Variants in MYO19 observed in about 807,000 individuals in gnomAD.
MYO19 encodes the protein unconventional myosin-XIX.
Under a neutral mutation model 129.2 loss-of-function variants are expected in MYO19, and 132 were observed. The ratio of observed to expected loss-of-function variants is 1.02; its 90% CI spans 0.89 to 1.18. MYO19 has a LOEUF of 1.18. Ranked by LOEUF, MYO19 falls within the 50% of genes most tolerant of loss-of-function variation. The pLI is 0.00. For synonymous variants in MYO19, 531 were observed against 477.2 expected (o/e 1.11, Z -1.47); for missense variants, 1,210 against 1,216.7 (o/e 0.99, Z 0.08).
chr17:36,514,891 A>G (rs1392727197), intron 8 of MYO19, among the ~76,000 whole-genome samples: 4 of 152,202 alleles, frequency 2.6e-5, no homozygotes, highest in East Asian at 1.9e-4. Flanking sequence ...GGAGGAACCC[A>G]GGCCTGAATA....
At chr17:36,506,672 G>A (rs2071914431) in intron 17 of MYO19, 64 bp from the exon 18 acceptor site, 2 of 1,483,390 alleles carry the variant, frequency 1.3e-6, no homozygotes, top group Non-Finnish European at 1.8e-6. Flanking sequence ...GCCATCCACT[G>A]CCCACCCAAG....
chr17:36,518,128 C>T (rs2072881398), intron 6 of MYO19, among the ~76,000 whole-genome samples: 2 of 150,206 alleles, frequency 1.3e-5, no homozygotes. Flanking sequence ...GTTGTGCTTT[C>T]ATTTTAATTT....
chr17:36,543,011 C>T (rs1478547475), intron 1 of MYO19: 1 of 151,990 alleles, frequency 6.6e-6, no homozygotes, highest in East Asian at 2.0e-4. Context: ...CCGCCGCCCC[C>T]GTCCTGGTTT....
chr17:36,499,671 T>C (rs111797655), intron 23 of MYO19: 146 of 106,304 alleles, frequency 1.4e-3, no homozygotes, highest in African/African-American at 4.2e-3. Flanking sequence ...TTTCTTTTTT[T>C]TTTTTTTTTT....
At position 36,525,167 on chromosome 17, in the gene MYO19, C is replaced by T; in HGVS notation, c.414+61G>A. 4 of 1,259,858 alleles carry T rather than the reference C, an allele frequency of 3.2e-6. 1 individual carries two copies. Among genetic ancestry groups the T allele is most frequent in the Non-Finnish European group, 4.6e-6 (4 of 862,386 alleles). The allele number at this position is 1,259,858 out of a possible 1,614,324, so 78.0% of individuals were successfully genotyped here. A position where few individuals can be genotyped will look rare whatever the true frequency, so the allele number is the denominator to read the frequency against. On this transcript the variant is annotated intron_variant, in intron 6 of 25. Coordinates refer to ENST00000614623, the MANE Select transcript of MYO19 (RefSeq NM_001163735.2). ...CCACAAGGAAGGCCAAGGAATGACC[C>T]CTGCCTCCCTGTCCACCCAGCCAGT...
chr17:36,534,560 T>C (rs2074019380), intron 1 of MYO19: 1 of 152,086 alleles, frequency 6.6e-6, no homozygotes, highest in South Asian at 2.1e-4. Flanking sequence ...GAAAGACTTG[T>C]TTCAAGCAAG....
upstream of MYO19, chr17:36,537,476 C>T (rs757276440): frequency 3.1e-6 from 5 of 1,614,132 alleles, no homozygotes; most frequent in Non-Finnish European, 4.2e-6. Flanking sequence ...AATCAGAATA[C>T]AATCCAGCCA....
At chr17:36,511,339 GC>G in intron 12 of MYO19, 25 bp downstream of exon 12, 1 of 1,558,600 alleles carries the variant, frequency 6.4e-7, no homozygotes, top group South Asian at 1.2e-5. Context: ...GACAGGGCCT[GC>G]CCCATCCTAC....
chr17:36,506,897 G>C, intron 17 of MYO19, 66 bp downstream of exon 17: 1 of 1,448,918 alleles, frequency 6.9e-7, no homozygotes, highest in Admixed American at 2.6e-5. Flanking sequence ...AAACTACTAT[G>C]TCTGCATAGC....
intron 14 of MYO19, 176 bp from the exon 15 acceptor site, chr17:36,508,100 C>CTTGGGTG: frequency 1.7e-6 from 1 of 583,920 alleles, no homozygotes; most frequent in Non-Finnish European, 2.8e-6. Context: ...CACCCTCCAC[C>CTTGGGTG]CAAGGTGGCT....
upstream of MYO19, among the ~76,000 whole-genome samples, chr17:36,535,946 G>A (rs1381456909): frequency 1.3e-5 from 2 of 151,926 alleles, no homozygotes; most frequent in Non-Finnish European, 2.9e-5. Flanking sequence ...ACTGATTTGA[G>A]TTGGTTACTG....
rs774868386 is a variant in MYO19 at position 36,511,439 on chromosome 17, A to C, written c.911T>G (p.Leu304Arg). The C allele has an allele frequency of 1.3e-6, 2 of 1,564,194 alleles. No homozygotes were observed. The highest frequency in any genetic ancestry group is 1.7e-6 in the Non-Finnish European group (2 of 1,154,370). ...AGCAAACTGGATATTGCCAAGGTGC[A>C]GCAGTCCAGCTAGGACCTGGGGGAA... The part of the protein sequence containing the change: ...NNIFKVLAGL[L>R]HLGNIQFAAS... The change falls in exon 12 of 26, where the codon CTG (leucine) becomes CGG (arginine). Residue 304 changes from leucine to arginine, a missense_variant. Physicochemically the swap from Leu to Arg is moderately radical, Grantham distance 102 (BLOSUM62 -2). Coordinates refer to ENST00000614623, the MANE Select transcript of MYO19 (RefSeq NM_001163735.2).
intron 24 of MYO19, 91 bp from the exon 25 acceptor site, chr17:36,498,650 TAAC>T: frequency 7.1e-7 from 1 of 1,407,762 alleles, no homozygotes; most frequent in Non-Finnish European, 9.4e-7. Context: ...CAAATCATCT[TAAC>T]AAGGTGAACT....
chr17:36,499,032 A>C, intron 24 of MYO19, 43 bp downstream of exon 24: 1 of 1,512,914 alleles, frequency 6.6e-7, no homozygotes, highest in Non-Finnish European at 9.0e-7. Flanking sequence ...CTGGTCCCCA[A>C]AATTGATCCA....
intron 2 of MYO19, among the ~76,000 whole-genome samples, chr17:36,540,490 C>G (rs527331249): frequency 6.6e-5 from 10 of 151,954 alleles, no homozygotes; most frequent in Non-Finnish European, 1.3e-4. Context: ...TCTGCCTCAG[C>G]CTCCCGAGGA....
At position 36,513,027 on chromosome 17, in the gene MYO19, G is replaced by C. The variant is rs150215306; in HGVS notation, c.894+402C>G. 1.7e-4 allele frequency: 172 copies of C among 1,031,356 alleles called. No individual in the cohort carries two copies. The East Asian group carries it at 8.9e-3, about 53-fold the overall frequency. The allele number at this position is 1,031,356 out of a possible 1,614,324, so 63.9% of individuals were successfully genotyped here. A position where few individuals can be genotyped will look rare whatever the true frequency, so the allele number is the denominator to read the frequency against. Reference sequence around the variant, plus strand: ...CACTTTACCTCTCTGGTTTTCTCAGGCATAAAGGGAAATAAACACACACAG... The same window carrying C: ...CACTTTACCTCTCTGGTTTTCTCAGCCATAAAGGGAAATAAACACACACAG... On this transcript the variant is annotated intron_variant, in intron 11 of 25. Coordinates refer to ENST00000614623, the MANE Select transcript of MYO19 (RefSeq NM_001163735.2).
intron 3 of MYO19, 128 bp downstream of exon 3, chr17:36,532,399 G>C: frequency 1.8e-6 from 2 of 1,113,690 alleles, no homozygotes; most frequent in South Asian, 2.7e-5. Context: ...TGAGTAAAAG[G>C]CACTGGAGAG....
At chr17:36,513,124 C>A in intron 11 of MYO19, 1 of 1,371,186 alleles carries the variant, frequency 7.3e-7, no homozygotes, top group Non-Finnish European at 9.4e-7. Context: ...ACTAGACAAG[C>A]AAGGCGGTAG....
intron 18 of MYO19, among the ~76,000 whole-genome samples, chr17:36,506,105 A>G (rs2071864010): frequency 6.6e-6 from 1 of 152,008 alleles, no homozygotes; most frequent in Admixed American, 6.5e-5. Context: ...GATGTGAGAG[A>G]AGTGAGTGAG....
Sources: gnomAD v4.1 joint callset for allele counts (sites outside exome capture counted in the v4.1 genomes callset) on GRCh38, gnomAD v4.1.1 for gene constraint, MANE v1.5 for transcripts, NCBI Gene and HGNC (gene_info 2026-07-23, HGNC 2026-07-21) for gene names.